GUCY1A2: variants seen among roughly 807,000 people sequenced by gnomAD.
GUCY1A2 encodes guanylate cyclase 1 soluble subunit alpha 2.
Under a neutral mutation model 63.5 loss-of-function variants are expected in GUCY1A2, and 27 were observed. That is an observed-to-expected ratio of 0.43 (90% confidence interval 0.31 to 0.59). GUCY1A2 has a LOEUF of 0.59. Among genes scored for constraint, GUCY1A2 ranks in the 20% least tolerant of loss-of-function variants. The probability of loss-of-function intolerance (pLI) is 0.11; values close to 1 mark genes in which losing one functional copy is unlikely to be tolerated. For missense variants in GUCY1A2, 768 were observed against 913.3 expected (o/e 0.84, Z 2.05); for synonymous variants, 364 against 343.5 (o/e 1.06, Z -0.66).
At chr11:106,850,529 C>T (rs889021338) in intron 4 of GUCY1A2, among the ~76,000 whole-genome samples, 16 of 151,698 alleles carry the variant, frequency 1.1e-4, no homozygotes, top group African/African-American at 3.9e-4. Flanking sequence ...CCAACCTCAC[C>T]CACAATTCTA....
At chr11:106,704,129 C>A (rs756941798) in intron 7 of GUCY1A2, among the ~76,000 whole-genome samples, 1 of 152,114 alleles carries the variant, frequency 6.6e-6, no homozygotes, top group Non-Finnish European at 1.5e-5. Flanking sequence ...CCCATTCTTT[C>A]TCTCAAATTT....
intron 6 of GUCY1A2, among the ~76,000 whole-genome samples, chr11:106,760,420 G>C (rs899878712): frequency 7.9e-5 from 12 of 152,154 alleles, no homozygotes; most frequent in Admixed American, 5.9e-4. Flanking sequence ...AATTTCTAAA[G>C]TGGGCCGAAC....
At chr11:106,760,740 C>A (rs1864051933) in intron 6 of GUCY1A2, among the ~76,000 whole-genome samples, 1 of 151,850 alleles carries the variant, frequency 6.6e-6, no homozygotes, top group Non-Finnish European at 1.5e-5. Context: ...ATTGTTTTTT[C>A]CTCCTTTTAC....
At chr11:106,827,784 T>G in intron 4 of GUCY1A2, 1 of 1,553,548 alleles carries the variant, frequency 6.4e-7, no homozygotes, top group Non-Finnish European at 8.9e-7. Context: ...GAGAATATCT[T>G]CTGATGGAAA....
At chr11:106,722,157 T>G (rs1863328449) in intron 6 of GUCY1A2, among the ~76,000 whole-genome samples, 1 of 152,184 alleles carries the variant, frequency 6.6e-6, no homozygotes, top group Non-Finnish European at 1.5e-5. Context: ...TGCAGCATGA[T>G]ATTTTTGACA....
At chr11:106,741,866 C>T (rs747126471) in intron 6 of GUCY1A2, among the ~76,000 whole-genome samples, 3 of 152,154 alleles carry the variant, frequency 2.0e-5, no homozygotes, top group African/African-American at 4.8e-5. Context: ...CCTTTTAGTT[C>T]TTAATCTAGA....
In GUCY1A2 at chr11:106,940,763, T is replaced by C. The variant is rs141353128; in HGVS notation, c.488-585A>G. Among the ~76,000 whole-genome samples, 19 of 152,332 alleles carry C rather than the reference T, an allele frequency of 1.2e-4. No homozygotes were observed. The East Asian group carries it at 3.3e-3, about 26-fold the overall frequency. ...CCCTAACTCCCAGAGCATCAGCTTT[T>C]TAAATGTTGCTAATCTAGCTGTTCA... On this transcript the variant is annotated intron_variant, in intron 3 of 7. Coordinates refer to ENST00000526355, the MANE Select transcript of GUCY1A2 (RefSeq NM_000855.3).
At chr11:106,871,990 T>G (rs1212610350) in intron 4 of GUCY1A2, among the ~76,000 whole-genome samples, 1 of 152,154 alleles carries the variant, frequency 6.6e-6, no homozygotes, top group Non-Finnish European at 1.5e-5. Flanking sequence ...CTGTAGATGT[T>G]GTCATGTATC....
chr11:106,975,852 C>A (rs954700007), intron 3 of GUCY1A2, among the ~76,000 whole-genome samples: 1 of 152,124 alleles, frequency 6.6e-6, no homozygotes, highest in Non-Finnish European at 1.5e-5. Context: ...CATAACAGGT[C>A]TTCTCCAACT....
chr11:106,799,921 C>A (rs1291171849), intron 5 of GUCY1A2, among the ~76,000 whole-genome samples: 1 of 152,230 alleles, frequency 6.6e-6, no homozygotes, highest in East Asian at 1.9e-4. Context: ...AGCTTCTGCA[C>A]AGCAAAAGAA....
At chr11:106,812,793 G>A (rs1172147636) in intron 4 of GUCY1A2, among the ~76,000 whole-genome samples, 1 of 151,896 alleles carries the variant, frequency 6.6e-6, no homozygotes, top group Non-Finnish European at 1.5e-5. Flanking sequence ...AACAGACCCT[G>A]AAGGAAGAAA....
At chr11:106,825,188 C>T (rs186646014) in intron 4 of GUCY1A2, among the ~76,000 whole-genome samples, 1 of 151,728 alleles carries the variant, frequency 6.6e-6, no homozygotes, top group African/African-American at 2.4e-5. Flanking sequence ...TATGTAAAAC[C>T]CTTTAATTGT....
At chr11:107,006,867 C>T in intron 1 of GUCY1A2, among the ~76,000 whole-genome samples, 1 of 152,178 alleles carries the variant, frequency 6.6e-6, no homozygotes, top group South Asian at 2.1e-4. Flanking sequence ...CTCTTAAGTG[C>T]ATTTCATAGA....
intron 4 of GUCY1A2, chr11:106,936,627 A>G: frequency 7.0e-7 from 1 of 1,422,632 alleles, no homozygotes; most frequent in Non-Finnish European, 9.6e-7. Context: ...TGGTCAAGCC[A>G]TCTGGAAGAG....
chr11:106,785,876 C>CTTT (rs5794497), intron 5 of GUCY1A2, among the ~76,000 whole-genome samples: 8,742 of 147,968 alleles, frequency 0.059, 328 homozygotes, highest in Admixed American at 0.08. Flanking sequence ...CGATATCCAC[C>CTTT]TTTTTTTTTT....
At chr11:106,954,688 C>T (rs1191560742) in intron 3 of GUCY1A2, among the ~76,000 whole-genome samples, 2 of 152,144 alleles carry the variant, frequency 1.3e-5, no homozygotes, top group Non-Finnish European at 1.5e-5. Flanking sequence ...CTGGGTGTTT[C>T]TGTATTGGGT....
intron 3 of GUCY1A2, among the ~76,000 whole-genome samples, chr11:106,952,282 A>G (rs1288404897): frequency 6.6e-6 from 1 of 152,116 alleles, no homozygotes; most frequent in Non-Finnish European, 1.5e-5. Context: ...AAGAATGTCA[A>G]TGGTAGTTTG....
intron 6 of GUCY1A2, among the ~76,000 whole-genome samples, chr11:106,756,070 C>G (rs11211896): frequency 0.15 from 22,826 of 152,138 alleles, 3,248 homozygotes; most frequent in African/African-American, 0.38. Flanking sequence ...GTTAGCTCTT[C>G]TAGTTGCATT....
At chr11:106,728,841 T>C (rs1445283708) in intron 6 of GUCY1A2, among the ~76,000 whole-genome samples, 4 of 152,174 alleles carry the variant, frequency 2.6e-5, no homozygotes, top group African/African-American at 9.6e-5. Flanking sequence ...GTTCAATAAG[T>C]GTTGACTGCA....
Sources: gnomAD v4.1 joint callset for allele counts (sites outside exome capture counted in the v4.1 genomes callset) on GRCh38, gnomAD v4.1.1 for gene constraint, MANE v1.5 for transcripts, NCBI Gene and HGNC (gene_info 2026-07-23, HGNC 2026-07-21) for gene names.